Variants in NECAB3 observed in about 807,000 individuals in gnomAD.
NECAB3 encodes the protein N-terminal EF-hand calcium binding protein 3.
A neutral mutation model predicts 57.2 loss-of-function variants in NECAB3; 38 were observed. That is an observed-to-expected ratio of 0.66 (90% CI 0.51 to 0.87). NECAB3 has a LOEUF of 0.87. Among genes scored for constraint, NECAB3 ranks in the 40% least tolerant of loss-of-function variants. The pLI, the probability that NECAB3 is intolerant of heterozygous loss-of-function variation, is 0.00. For missense variants in NECAB3, 474 were observed against 527.5 expected (o/e 0.90, Z 0.99); for synonymous variants, 223 against 222.6 (o/e 1.00, Z -0.02).
chr20:33,667,109 G>T, intron 5 of NECAB3: 1 of 181,594 alleles, frequency 5.5e-6, no homozygotes, highest in Non-Finnish European at 1.1e-5. Context: ...GGGAGCCGCC[G>T]CGTGCACCGG....
upstream of NECAB3, chr20:33,674,948 G>C (rs2122536225): frequency 6.6e-6 from 1 of 152,252 alleles, no homozygotes; most frequent in Admixed American, 6.5e-5. Context: ...ACAGCAGCCG[G>C]GGGGAGCTTT....
rs765671829 is a variant in NECAB3 at position 33,662,468 on chromosome 20, G to A, written c.388-2073C>T. ...TCAACCACCTCACTCGGAAGAAGCCGGCTGTGAGGGCGGGGGATGGGGAGC... is the reference window on the plus strand; with the variant it reads ...TCAACCACCTCACTCGGAAGAAGCCAGCTGTGAGGGCGGGGGATGGGGAGC... On this transcript the variant is annotated intron_variant, in intron 5 of 11. Transcript: ENST00000246190. 22 of 1,551,456 alleles carry A rather than the reference G, an allele frequency of 1.4e-5. No homozygotes were observed. In the East Asian group the frequency reaches 2.4e-4, roughly 17 times the overall value.
intron 5 of NECAB3, chr20:33,665,135 A>T (rs908818874): frequency 6.6e-6 from 1 of 152,284 alleles, no homozygotes; most frequent in Admixed American, 6.5e-5. Context: ...GTAAGAGACC[A>T]TGTTCTCTAC....
intron 5 of NECAB3, among the ~76,000 whole-genome samples, chr20:33,668,978 G>T (rs964130878): frequency 5.9e-5 from 9 of 152,218 alleles, no homozygotes; most frequent in African/African-American, 2.2e-4. Flanking sequence ...CTGTGAACCT[G>T]TGAGCACAGC....
intron 5 of NECAB3, among the ~76,000 whole-genome samples, chr20:33,665,924 A>C (rs2017634734): frequency 6.6e-6 from 1 of 152,130 alleles, no homozygotes; most frequent in Non-Finnish European, 1.5e-5. Flanking sequence ...CTCCACTAAA[A>C]ATACAAAAAT....
At position 33,669,465 on chromosome 20, in the gene NECAB3, G is replaced by A; in HGVS notation, c.297C>T (p.Phe99=). The change falls in exon 5 of 12, where the codon TTC becomes TTT. Residue 99 remains phenylalanine (F), a synonymous_variant. Transcript: ENST00000246190. ...NLETEKLCDY[F]SEHLGVYRPV... ...GCCGGTAGACACCCAGGTGCTCTGA[G>A]AAGTAGTCTGCAGGCAGAAGAGGTG... The A allele has an allele frequency of 1.2e-6, 2 of 1,613,672 alleles. No individual in the cohort carries two copies. The highest frequency in any genetic ancestry group is 1.7e-6 in the Non-Finnish European group (2 of 1,180,010).
At chr20:33,665,106 G>T (rs1029264456) in intron 5 of NECAB3, 2 of 152,328 alleles carry the variant, frequency 1.3e-5, no homozygotes, top group African/African-American at 4.8e-5. Context: ...CCTCCCCCTA[G>T]GACTGTGATT....
In NECAB3 at chr20:33,658,537, A is replaced by G. The variant is rs2017355072; in HGVS notation, c.1010T>C (p.Met337Thr). 6.2e-7 allele frequency: 1 copy of G among 1,614,064 alleles called. No homozygotes were observed. Among genetic ancestry groups the G allele is most frequent in the Non-Finnish European group, 8.5e-7 (1 of 1,180,002 alleles). Reference protein sequence around the residue: ...SHCLHVSAQKMLDGASFTLYE... With the variant: ...SHCLHVSAQKTLDGASFTLYE... ...CAGGGTGAAGGAGGCACCGTCCAGCATCTTCTGGGCGGACACACTGTAGGG... is the reference window on the plus strand; with the variant it reads ...CAGGGTGAAGGAGGCACCGTCCAGCGTCTTCTGGGCGGACACACTGTAGGG... The change falls in exon 10 of 12, where the codon ATG (methionine) becomes ACG (threonine). Residue 337 changes from methionine to threonine, a missense_variant. Met to Thr is a moderately conservative substitution (Grantham distance 81). Transcript: ENST00000246190.
chr20:33,670,354 G>C (rs1002726478), intron 3 of NECAB3: 5 of 282,722 alleles, frequency 1.8e-5, no homozygotes, highest in Admixed American at 1.4e-4. Flanking sequence ...AGATGGTTGC[G>C]TGTTTATGCA....
chr20:33,674,140 G>T (rs1255017468), intron 1 of NECAB3, 84 bp downstream of exon 1: 4 of 1,200,804 alleles, frequency 3.3e-6, no homozygotes, highest in Non-Finnish European at 4.2e-6. Context: ...CAGAAACAGC[G>T]GCGGGGCCCG....
Position 33,657,769 on chromosome 20 carries a change from C to G in NECAB3, c.*60G>C, listed in dbSNP as rs1287995597. ...GGTCTTTGCGCTGGGCTGGCCAGTCCAGAAGGCTCCAGAGGGAGGCAGGCA... is the reference window on the plus strand; with the variant it reads ...GGTCTTTGCGCTGGGCTGGCCAGTCGAGAAGGCTCCAGAGGGAGGCAGGCA... On this transcript the variant is annotated 3_prime_UTR_variant, in exon 12 of 12. Transcript: ENST00000246190. 1 of 1,480,994 alleles carries G rather than the reference C, an allele frequency of 6.8e-7. No individual in the cohort carries two copies. Among genetic ancestry groups the G allele is most frequent in the East Asian group, 2.5e-5 (1 of 40,388 alleles). 91.7% of individuals were successfully genotyped at this position (1,480,994 alleles called of 1,614,324 possible).
At chr20:33,672,880 A>C (rs527740335) in intron 1 of NECAB3, among the ~76,000 whole-genome samples, 6 of 152,140 alleles carry the variant, frequency 3.9e-5, no homozygotes, top group African/African-American at 1.4e-4. Flanking sequence ...GCCCTCTCTG[A>C]GCTGTTTCCT....
rs1025868000 is a variant in NECAB3, at chr20:33,669,573, A to G, written c.290-101T>C. The G allele has an allele frequency of 5.2e-6, 8 of 1,546,318 alleles. No individual in the cohort carries two copies. The Admixed American group carries it at 5.7e-5, about 11-fold the overall frequency. ...ATTCCTCAGCAGCCAAGCAGGCCTT[A>G]TATCCTGAGCCCAGCCCAACCTGTC... On this transcript the variant is annotated intron_variant, in intron 4 of 11. Coordinates refer to ENST00000246190, the MANE Select transcript of NECAB3 (RefSeq NM_031232.4).
At chr20:33,661,381 C>T (rs980615352) in intron 5 of NECAB3, among the ~76,000 whole-genome samples, 43 of 152,190 alleles carry the variant, frequency 2.8e-4, no homozygotes, top group African/African-American at 1.0e-3. Context: ...CCAGAAGCCC[C>T]ATCCATCAGA....
In NECAB3 at chr20:33,669,032, G is replaced by C. The variant is rs149298104; in HGVS notation, c.387+343C>G. On this transcript the variant is annotated intron_variant, in intron 5 of 11. Transcript: ENST00000246190. ...CCCTGAATGATATCCCACCACAGTT[G>C]TGATGGGCCAGCAACTAAAGCAACA... is the stretch of plus-strand genomic sequence containing the variant. 4.3e-4 allele frequency: 129 copies of C among 300,972 alleles called. 1 individual carries two copies. Among genetic ancestry groups the C allele is most frequent in the African/African-American group, 2.6e-3 (118 of 45,434 alleles). 18.6% of individuals were successfully genotyped at this position (300,972 alleles called of 1,614,324 possible).
rs1293395283 is a variant in NECAB3 at position 33,673,381 on chromosome 20, T to C, written c.129+843A>G. ...CCTCTAGCCTAACTCAGAGAAGGTC[T>C]GCCACTGGCTGAGGGGCACGCAGCA... is the stretch of plus-strand genomic sequence containing the variant. On this transcript the variant is annotated intron_variant, in intron 1 of 11. Transcript: ENST00000246190. 5.9e-5 allele frequency among the ~76,000 whole-genome samples: 9 copies of C among 152,134 alleles called. No homozygotes were observed. The East Asian group carries it at 1.7e-3, about 29-fold the overall frequency.
At chr20:33,672,515 T>C in intron 1 of NECAB3, 93 bp from the exon 2 acceptor site, 1 of 1,472,368 alleles carries the variant, frequency 6.8e-7, no homozygotes, top group Non-Finnish European at 9.5e-7. Flanking sequence ...CTGGCCGACC[T>C]ACCCCCTGCC....
chr20:33,662,261 C>A (rs2017499555), intron 5 of NECAB3: 2 of 1,507,092 alleles, frequency 1.3e-6, no homozygotes, highest in Admixed American at 2.1e-5. Flanking sequence ...GTGAGGTCAG[C>A]CCGTGAGGTC....
intron 5 of NECAB3, chr20:33,663,373 C>G (rs933729857): frequency 7.7e-5 from 57 of 744,106 alleles, no homozygotes; most frequent in Non-Finnish European, 1.1e-4. Context: ...CTGAATTGGA[C>G]AGGGGTCCCC....
Sources: gnomAD v4.1 joint callset for allele counts (sites outside exome capture counted in the v4.1 genomes callset) on GRCh38, gnomAD v4.1.1 for gene constraint, MANE v1.5 for transcripts, NCBI Gene and HGNC (gene_info 2026-07-23, HGNC 2026-07-21) for gene names.